STXBP4: variants seen among roughly 807,000 people sequenced by gnomAD.
STXBP4 encodes the protein syntaxin-binding protein 4.
Under a neutral mutation model 76.1 loss-of-function variants are expected in STXBP4, and 55 were observed. The observed-to-expected ratio is 0.72, with a 90% CI of 0.58 to 0.91. The LOEUF is 0.91. Ranked by LOEUF, STXBP4 falls within the 40% of genes least tolerant of loss-of-function variation. STXBP4 has a pLI of 0.00. For synonymous variants in STXBP4, 201 were observed against 220.2 expected (o/e 0.91, Z 0.77); for missense variants, 618 against 636.9 (o/e 0.97, Z 0.32).
Position 55,141,249 on chromosome 17 carries a change from C to T in STXBP4, c.1490-61C>T, listed in dbSNP as rs1207337539. 3 of 1,382,742 alleles carry T rather than the reference C, an allele frequency of 2.2e-6. No homozygotes were observed. In the African/African-American group the frequency reaches 4.3e-5, roughly 20 times the overall value. 85.7% of individuals were successfully genotyped at this position (1,382,742 alleles called of 1,614,324 possible). On this transcript the variant is annotated intron_variant, in intron 16 of 17. Coordinates refer to ENST00000376352, the MANE Select transcript of STXBP4 (RefSeq NM_178509.6). ...TGTAAAGATGAGGGAGGTTTGTGTCCAGGAAATAAAGTTATCTTTATCATC... is the reference window on the plus strand; with the variant it reads ...TGTAAAGATGAGGGAGGTTTGTGTCTAGGAAATAAAGTTATCTTTATCATC...
chr17:55,188,325 T>TAGACTA, the STXBP4 span, among the ~76,000 whole-genome samples: 1 of 152,228 alleles, frequency 6.6e-6, no homozygotes, highest in East Asian at 1.9e-4. Context: ...AAGAAGAATT[T>TAGACTA]AGACTATATG....
chr17:55,034,436 C>T (rs1276373057), intron 10 of STXBP4, among the ~76,000 whole-genome samples, 177 bp downstream of exon 10: 1 of 152,080 alleles, frequency 6.6e-6, no homozygotes, highest in African/African-American at 2.4e-5. Context: ...GATATTCATT[C>T]TCCTCTCTCG....
At chr17:55,012,399 G>A (rs955767472) in intron 8 of STXBP4, among the ~76,000 whole-genome samples, 1 of 152,098 alleles carries the variant, frequency 6.6e-6, no homozygotes, top group African/African-American at 2.4e-5. Context: ...CTGCCTTGCA[G>A]CTCTTTTTGC....
chr17:55,175,391 G>A (rs983199564), downstream of STXBP4, among the ~76,000 whole-genome samples: 1 of 152,166 alleles, frequency 6.6e-6, no homozygotes, highest in Non-Finnish European at 1.5e-5. Context: ...GTATAATAAG[G>A]CAGCAATCTG....
chr17:54,987,217 T>TA (rs997704115), intron 3 of STXBP4, among the ~76,000 whole-genome samples: 5 of 152,106 alleles, frequency 3.3e-5, no homozygotes, highest in Non-Finnish European at 7.4e-5. Flanking sequence ...CAAGGCATAT[T>TA]AAAAAAAATC....
At chr17:55,094,166 A>G (rs746533124) in intron 16 of STXBP4, among the ~76,000 whole-genome samples, 216 of 49,346 alleles carry the variant, frequency 4.4e-3, no homozygotes, top group Non-Finnish European at 7.8e-3. Flanking sequence ...GAGGGACAGG[A>G]AAAAAAAAAA....
chr17:55,043,214 T>A, intron 10 of STXBP4, 22 bp from the exon 11 acceptor site: 1 of 1,357,218 alleles, frequency 7.4e-7, no homozygotes, highest in South Asian at 1.6e-5. Context: ...ACAACTTTTC[T>A]CTTATATTTT....
intron 12 of STXBP4, among the ~76,000 whole-genome samples, chr17:55,049,270 TA>T (rs1475071101): frequency 1.3e-5 from 2 of 151,862 alleles, no homozygotes; most frequent in Non-Finnish European, 2.9e-5. Flanking sequence ...TTTATCCAAC[TA>T]AAAAATGCCT....
intron 1 of STXBP4, among the ~76,000 whole-genome samples, chr17:54,983,615 T>TCTTTC (rs1056292061): frequency 2.0e-5 from 3 of 151,658 alleles, no homozygotes; most frequent in Admixed American, 1.3e-4. Context: ...GCATTTCTTT[T>TCTTTC]CTTTTTTTTT....
At chr17:55,079,004 T>C (rs911883790) in intron 15 of STXBP4, among the ~76,000 whole-genome samples, 5 of 152,160 alleles carry the variant, frequency 3.3e-5, no homozygotes, top group African/African-American at 1.2e-4. Context: ...TATCAAAAAT[T>C]CTATAAAGAT....
intron 1 of STXBP4, among the ~76,000 whole-genome samples, chr17:54,974,888 G>A (rs913758883): frequency 6.6e-6 from 1 of 152,212 alleles, no homozygotes; most frequent in Non-Finnish European, 1.5e-5. Context: ...TTAAGGGACA[G>A]TTTATGCAGA....
chr17:54,982,735 A>G (rs147840555), intron 1 of STXBP4, among the ~76,000 whole-genome samples: 1 of 152,198 alleles, frequency 6.6e-6, no homozygotes, highest in East Asian at 1.9e-4. Context: ...GGGAAAGGAC[A>G]GGCATTTTAT....
intron 17 of STXBP4, among the ~76,000 whole-genome samples, chr17:55,155,251 C>T (rs1376645656): frequency 6.6e-6 from 1 of 151,994 alleles, no homozygotes; most frequent in African/African-American, 2.4e-5. Context: ...TTATATGCTG[C>T]TTTATCATGG....
intron 10 of STXBP4, among the ~76,000 whole-genome samples, chr17:55,040,390 A>G (rs2078677698): frequency 6.6e-6 from 1 of 152,194 alleles, no homozygotes; most frequent in African/African-American, 2.4e-5. Context: ...ATAGGATGGT[A>G]AAGTCACACA....
chr17:55,015,617 A>G lies in STXBP4; in HGVS notation c.666+8020A>G, dbSNP rs1281119304. Among the ~76,000 whole-genome samples, 10 of 151,638 alleles carry G rather than the reference A, an allele frequency of 6.6e-5. No homozygotes were observed. The East Asian group carries it at 1.9e-3, about 29-fold the overall frequency. On this transcript the variant is annotated intron_variant, in intron 8 of 17. Coordinates refer to ENST00000376352, the MANE Select transcript of STXBP4 (RefSeq NM_178509.6). Reference sequence around the variant, plus strand: ...GGTACATGCACTCTGGCTGGACCAAATTCTCCTCCTCCCACTGCTTGGAGT... The same window carrying G: ...GGTACATGCACTCTGGCTGGACCAAGTTCTCCTCCTCCCACTGCTTGGAGT...
chr17:55,121,406 A>G (rs1282666259), intron 16 of STXBP4, among the ~76,000 whole-genome samples: 2 of 152,152 alleles, frequency 1.3e-5, no homozygotes, highest in African/African-American at 4.8e-5. Flanking sequence ...ACACACTGAG[A>G]GAGAGATGAG....
At chr17:55,009,925 T>C (rs2078076957) in intron 8 of STXBP4, among the ~76,000 whole-genome samples, 1 of 152,056 alleles carries the variant, frequency 6.6e-6, no homozygotes, top group South Asian at 2.1e-4. Flanking sequence ...CATCTCAGCT[T>C]GAAATAGGTC....
At chr17:54,985,134 A>G (rs906737739) in intron 1 of STXBP4, among the ~76,000 whole-genome samples, 3 of 152,228 alleles carry the variant, frequency 2.0e-5, no homozygotes, top group African/African-American at 7.2e-5. Context: ...AACAAACAGC[A>G]GATATTTAAA....
At chr17:55,211,369 A>G in the STXBP4 span, among the ~76,000 whole-genome samples, 1 of 152,102 alleles carries the variant, frequency 6.6e-6, no homozygotes, top group African/African-American at 2.4e-5. Flanking sequence ...CTTCCCGAGG[A>G]GCTAGGATTA....
Sources: gnomAD v4.1 joint callset for allele counts (sites outside exome capture counted in the v4.1 genomes callset) on GRCh38, gnomAD v4.1.1 for gene constraint, MANE v1.5 for transcripts, NCBI Gene and HGNC (gene_info 2026-07-23, HGNC 2026-07-21) for gene names.